The following KRIT1 variants were observed in gnomAD, a reference collection of about 807,000 sequenced individuals.
KRIT1 encodes KRIT1 ankyrin repeat containing, also known as krev interaction trapped protein 1.
KRIT1 carries 45 observed loss-of-function variants against 95.8 expected under a neutral mutation model. The observed-to-expected ratio is 0.47, with a 90% CI of 0.37 to 0.60. The LOEUF (loss-of-function observed/expected upper bound fraction) is 0.60, where lower values mean the gene tolerates loss of function less well. KRIT1 is among the 20% of genes least tolerant of loss of function. KRIT1 has a pLI of 0.00. For synonymous variants in KRIT1, 282 were observed against 278.8 expected (o/e 1.01, Z -0.11); for missense variants, 788 against 877.5 (o/e 0.90, Z 1.29).
chr7:92,234,909 T>C lies in KRIT1; in HGVS notation c.744A>G (p.Val248=), dbSNP rs142163635. 1.3e-6 allele frequency: 2 copies of C among 1,511,728 alleles called. No individual in the cohort carries two copies. The highest frequency in any genetic ancestry group is 1.8e-6 in the Non-Finnish European group (2 of 1,086,880). 93.6% of individuals were successfully genotyped at this position (1,511,728 alleles called of 1,614,324 possible). Residue 248 remains valine (V), a synonymous_variant, in exon 9 of 19, where the codon GTA becomes GTG. Coordinates refer to ENST00000394505, the MANE Select transcript of KRIT1 (RefSeq NM_194454.3). ...LQYTNRVDKV[V]INPYFGLGAP... ...CTCCTAGACCAAAGTATGGATTTAT[T>C]ACCACTTTATCTACCTAGAAAGGGA...
intron 15 of KRIT1, 21 bp from the exon 16 acceptor site, chr7:92,214,000 A>C: frequency 7.2e-7 from 1 of 1,395,750 alleles, no homozygotes; most frequent in Non-Finnish European, 1.0e-6. Context: ...ACATGCCAAC[A>C]TCCTTTAAAT....
At chr7:92,244,482 CTTT>C (rs1210046356) in intron 2 of KRIT1, among the ~76,000 whole-genome samples, 6 of 152,310 alleles carry the variant, frequency 3.9e-5, no homozygotes, top group African/African-American at 7.2e-5. Flanking sequence ...AAACCAAATA[CTTT>C]TTTACCATAT....
At position 92,226,636 on chromosome 7, in the gene KRIT1, A is replaced by G; in HGVS notation, c.1036T>C (p.Cys346Arg). Residue 346 changes from cysteine to arginine, a missense_variant, in exon 11 of 19, where the codon TGC becomes CGC. Coordinates refer to ENST00000394505, the MANE Select transcript of KRIT1 (RefSeq NM_194454.3). ...TGTCCATTTAAAAGGTTTGGATTGC[A>G]CTTTCCTTTCTCTAACAATATGCGA... ...ATRILLEKGK[C>R]NPNLLNGQLS... is the part of the protein sequence containing the mutation. 1 of 1,613,526 alleles carries G rather than the reference A, an allele frequency of 6.2e-7. No homozygotes were observed. The highest frequency in any genetic ancestry group is 8.5e-7 in the Non-Finnish European group (1 of 1,179,594).
At chr7:92,245,940 T>A (rs1200157557), upstream of KRIT1, 1 of 247,844 alleles carries the variant, frequency 4.0e-6, no homozygotes, top group Non-Finnish European at 7.9e-6. Context: ...TTCACACCCT[T>A]TGCAGCCTCG....
chr7:92,223,807 T>C (rs1002579706), intron 12 of KRIT1, among the ~76,000 whole-genome samples: 1 of 152,168 alleles, frequency 6.6e-6, no homozygotes, highest in African/African-American at 2.4e-5. Context: ...GTTTAGAAAA[T>C]TCCAGAAAGT....
intron 17 of KRIT1, chr7:92,202,476 G>C (rs1038023215): frequency 1.3e-5 from 2 of 152,082 alleles, no homozygotes; most frequent in African/African-American, 2.4e-5. Flanking sequence ...CCCTAAACAT[G>C]TATTATTTGT....
Position 92,234,805 on chromosome 7 carries a change from T to A in KRIT1, c.845+3A>T. 6.6e-7 allele frequency: 1 copy of A among 1,520,924 alleles called. No individual in the cohort carries two copies. 94.2% of individuals were successfully genotyped at this position (1,520,924 alleles called of 1,614,324 possible). A position where few individuals can be genotyped will look rare whatever the true frequency, so the allele number is the denominator to read the frequency against. On this transcript the variant is annotated splice_donor_region_variant and intron_variant, in intron 9 of 18. Transcript: ENST00000394505. ...GCAATGTGGAGTAAAACCGAAACAGTACTTGTCTTCTGTGACACTGCTCAT... is the reference window on the plus strand; with the variant it reads ...GCAATGTGGAGTAAAACCGAAACAGAACTTGTCTTCTGTGACACTGCTCAT...
Position 92,242,038 on chromosome 7 carries a change from T to C in KRIT1, c.98A>G (p.Tyr33Cys). The C allele has an allele frequency of 6.9e-7, 1 of 1,459,570 alleles. No individual in the cohort carries two copies. Among genetic ancestry groups the C allele is most frequent in the Non-Finnish European group, 9.6e-7 (1 of 1,039,902 alleles). The allele number at this position is 1,459,570 out of a possible 1,614,324, so 90.4% of individuals were successfully genotyped here. Reference protein sequence around the residue: ...LNSREYRAKSYEILLHEVPIE... With the variant: ...LNSREYRAKSCEILLHEVPIE... Reference sequence around the variant, plus strand: ...ATTATTATTAAATGTTCTTACTTCATATGACTTAGCTCTGTATTCCCGAGA... The same window carrying C: ...ATTATTATTAAATGTTCTTACTTCACATGACTTAGCTCTGTATTCCCGAGA... The change falls in exon 4 of 19, where the codon TAT (tyrosine) becomes TGT (cysteine). Residue 33 changes from tyrosine to cysteine, a missense_variant. Coordinates refer to ENST00000394505, the MANE Select transcript of KRIT1 (RefSeq NM_194454.3).
chr7:92,223,946 A>G (rs886502949), intron 12 of KRIT1, among the ~76,000 whole-genome samples: 3 of 152,248 alleles, frequency 2.0e-5, no homozygotes, highest in African/African-American at 4.8e-5. Context: ...TATAAAAATT[A>G]TATCAGGGAT....
At position 92,200,595 on chromosome 7, in the gene KRIT1, G is replaced by A. The variant is rs117325194; in HGVS notation, c.*141C>T. 4,245 of 682,506 alleles carry A rather than the reference G, an allele frequency of 6.2e-3. 24 individuals carry two copies. Among genetic ancestry groups the A allele is most frequent in the Middle Eastern group, 0.01 (30 of 2,858 alleles). The allele number at this position is 682,506 out of a possible 1,614,324, so 42.3% of individuals were successfully genotyped here. A position where few individuals can be genotyped will look rare whatever the true frequency, so the allele number is the denominator to read the frequency against. On this transcript the variant is annotated 3_prime_UTR_variant, in exon 19 of 19. Transcript: ENST00000394505. ...CTTGAACTCTGACTTCAGGTGATCC[G>A]CCTGCCCCAGCCTCCCAAAGTGCTG... is the stretch of plus-strand genomic sequence containing the variant.
intron 17 of KRIT1, among the ~76,000 whole-genome samples, chr7:92,209,136 A>C (rs1792213675): frequency 6.6e-6 from 1 of 152,170 alleles, no homozygotes; most frequent in Non-Finnish European, 1.5e-5. Flanking sequence ...ATGAAGTTCA[A>C]TATCGTTTCG....
At chr7:92,213,798 T>G (rs1793384861) in intron 16 of KRIT1, 94 bp downstream of exon 16, 7 of 786,112 alleles carry the variant, frequency 8.9e-6, no homozygotes, top group Non-Finnish European at 1.6e-5. Flanking sequence ...TTCAGGACTA[T>G]AAATTTAATC....
At chr7:92,205,929 AT>A (rs1791382184) in intron 17 of KRIT1, 2 of 152,198 alleles carry the variant, frequency 1.3e-5, no homozygotes. Context: ...CTAAAGTGGG[AT>A]TGAAAAGGGT....
At chr7:92,220,103 T>G (rs1259214673) in intron 14 of KRIT1, among the ~76,000 whole-genome samples, 1 of 152,176 alleles carries the variant, frequency 6.6e-6, no homozygotes, top group African/African-American at 2.4e-5. Context: ...ATTTCGTACC[T>G]TATCTTAGGA....
intron 14 of KRIT1, among the ~76,000 whole-genome samples, chr7:92,218,856 C>T (rs1794537910): frequency 6.6e-6 from 1 of 152,128 alleles, no homozygotes; most frequent in African/African-American, 2.4e-5. Context: ...GTTTAACTTA[C>T]CCAATATTTC....
At chr7:92,208,085 AAAC>A (rs1791960105) in intron 17 of KRIT1, among the ~76,000 whole-genome samples, 1 of 152,164 alleles carries the variant, frequency 6.6e-6, no homozygotes, top group African/African-American at 2.4e-5. Context: ...AAAGGAAATT[AAAC>A]AACATGCTCC....
intron 17 of KRIT1, among the ~76,000 whole-genome samples, chr7:92,212,092 G>A (rs926598343): frequency 2.0e-5 from 3 of 152,058 alleles, no homozygotes; most frequent in Non-Finnish European, 4.4e-5. Context: ...GGAACAGAGT[G>A]AGACCCTGTC....
chr7:92,231,224 T>C (rs1346199019), intron 10 of KRIT1, among the ~76,000 whole-genome samples: 2 of 152,162 alleles, frequency 1.3e-5, no homozygotes, highest in Non-Finnish European at 2.9e-5. Context: ...TTTTAAATAT[T>C]TTGGGAAAAT....
In KRIT1 at chr7:92,222,954, T is replaced by A. The variant is rs1307201830; in HGVS notation, c.1279A>T (p.Met427Leu). Residue 427 changes from methionine (M) to leucine (L), a missense_variant, in exon 13 of 19, where the codon ATG (methionine) becomes TTG (leucine). Transcript: ENST00000394505. ...TCAACAGAACGATATGACCCATCCA[T>A]TCTGTATATTCGAACTTTTTCATAC... Reference protein sequence around the residue: ...KPYEKVRIYRMDGSYRSVELK... With the variant: ...KPYEKVRIYRLDGSYRSVELK... 1 of 1,610,386 alleles carries A rather than the reference T, an allele frequency of 6.2e-7. No homozygotes were observed. The highest frequency in any genetic ancestry group is 8.5e-7 in the Non-Finnish European group (1 of 1,177,110).
Sources: gnomAD v4.1 joint callset for allele counts (sites outside exome capture counted in the v4.1 genomes callset) on GRCh38, gnomAD v4.1.1 for gene constraint, MANE v1.5 for transcripts, NCBI Gene and HGNC (gene_info 2026-07-23, HGNC 2026-07-21) for gene names.